Variants in DLG2 observed in about 807,000 individuals in gnomAD.
The protein encoded by DLG2 is discs large MAGUK scaffold protein 2.
A neutral mutation model predicts 132.5 loss-of-function variants in DLG2; 45 were observed. That is an observed-to-expected ratio of 0.34 (90% confidence interval 0.27 to 0.44). The LOEUF (loss-of-function observed/expected upper bound fraction) is 0.44, where lower values mean the gene tolerates loss of function less well. Among genes scored for constraint, DLG2 ranks in the 20% least tolerant of loss-of-function variants. The pLI is 1.00. For missense variants in DLG2, 1,045 were observed against 1,196.9 expected, an observed-to-expected ratio of 0.87 and a Z score of 1.87; for synonymous variants, 424 against 419.6, an observed-to-expected ratio of 1.01 and a Z score of -0.13.
intron 21 of DLG2, among the ~76,000 whole-genome samples, chr11:83,507,371 G>C (rs540259091): frequency 8.7e-5 from 13 of 148,836 alleles, no homozygotes; most frequent in Admixed American, 2.7e-4. Flanking sequence ...TCTGTATTAG[G>C]GTTCTCTAGA....
chr11:84,595,993 G>A (rs1010003355), intron 6 of DLG2, among the ~76,000 whole-genome samples: 2 of 152,112 alleles, frequency 1.3e-5, no homozygotes, highest in Admixed American at 1.3e-4. Flanking sequence ...GAATATTAAT[G>A]TGGAAAAAAT....
chr11:84,232,852 C>A (rs1245853254), intron 8 of DLG2, among the ~76,000 whole-genome samples: 1 of 152,112 alleles, frequency 6.6e-6, no homozygotes, highest in Non-Finnish European at 1.5e-5. Flanking sequence ...TTGAAGAGAT[C>A]AAGGCCATGA....
chr11:83,515,205 T>A (rs976938638), intron 21 of DLG2, among the ~76,000 whole-genome samples: 7 of 152,164 alleles, frequency 4.6e-5, no homozygotes, highest in African/African-American at 1.7e-4. Context: ...CAATATCAGA[T>A]TCTGTTATTC....
intron 21 of DLG2, among the ~76,000 whole-genome samples, chr11:83,525,652 GC>G (rs2095589106): frequency 6.6e-6 from 1 of 152,224 alleles, no homozygotes; most frequent in East Asian, 1.9e-4. Context: ...CCTTCCTGAT[GC>G]CCCCTGGAGT....
intron 6 of DLG2, among the ~76,000 whole-genome samples, chr11:84,897,313 TAA>T (rs796244893): frequency 2.6e-5 from 4 of 152,042 alleles, no homozygotes; most frequent in African/African-American, 9.6e-5. Flanking sequence ...ATTGTATTAA[TAA>T]GTCACAAAGT....
intron 18 of DLG2, among the ~76,000 whole-genome samples, chr11:83,695,566 C>T (rs2081756101): frequency 6.6e-6 from 1 of 152,092 alleles, no homozygotes; most frequent in African/African-American, 2.4e-5. Flanking sequence ...TGTTGAAACC[C>T]TGTCTCTACT....
chr11:84,996,422 G>A (rs1301782024), intron 6 of DLG2, among the ~76,000 whole-genome samples: 3 of 151,954 alleles, frequency 2.0e-5, no homozygotes, highest in African/African-American at 7.3e-5. Flanking sequence ...TATTTCAAAT[G>A]ATTCAAATCT....
intron 6 of DLG2, among the ~76,000 whole-genome samples, chr11:84,619,297 T>G (rs192577070): frequency 1.3e-5 from 2 of 152,038 alleles, no homozygotes; most frequent in Non-Finnish European, 1.5e-5. Flanking sequence ...TGGGTTGGAA[T>G]GTTAATTTAA....
At chr11:84,131,741 AC>A (rs959525341) in intron 9 of DLG2, among the ~76,000 whole-genome samples, 7 of 151,956 alleles carry the variant, frequency 4.6e-5, no homozygotes, top group African/African-American at 1.4e-4. Flanking sequence ...AAAAGGACCA[AC>A]AAAAAACCCA....
chr11:83,861,171 A>G lies in DLG2; in HGVS notation c.1565+13249T>C, dbSNP rs2061395846. Among the ~76,000 whole-genome samples, 4 of 152,220 alleles carry G rather than the reference A, an allele frequency of 2.6e-5. No homozygotes were observed. The South Asian group carries it at 6.2e-4, about 24-fold the overall frequency. On this transcript the variant is annotated intron_variant, in intron 16 of 27. Transcript: ENST00000376104. The stretch of plus-strand genomic sequence containing the variant: ...CATCAGAGAAGTGCAAATCAAAACT[A>G]CAATGAGATATCATTTCACCCCAGT...
chr11:85,266,947 AG>A (rs2077249711), intron 4 of DLG2, among the ~76,000 whole-genome samples: 1 of 152,220 alleles, frequency 6.6e-6, no homozygotes, highest in Admixed American at 6.5e-5. Context: ...CAGTTTTTTC[AG>A]GATATCCTTT....
chr11:84,980,989 C>T (rs550018996), intron 6 of DLG2, among the ~76,000 whole-genome samples: 1 of 152,208 alleles, frequency 6.6e-6, no homozygotes, highest in East Asian at 1.9e-4. Flanking sequence ...ATAGCTCTAT[C>T]ACAGCGTTCA....
At chr11:84,448,810 A>C (rs2099043164) in intron 7 of DLG2, among the ~76,000 whole-genome samples, 1 of 151,912 alleles carries the variant, frequency 6.6e-6, no homozygotes, top group Non-Finnish European at 1.5e-5. Flanking sequence ...AACATACCTT[A>C]TTTATTTTCG....
intron 4 of DLG2, among the ~76,000 whole-genome samples, chr11:85,283,849 AG>A (rs1469489120): frequency 2.0e-5 from 3 of 151,678 alleles, no homozygotes; most frequent in African/African-American, 7.3e-5. Context: ...TGTACTCAAC[AG>A]TTTCATTTAT....
intron 6 of DLG2, among the ~76,000 whole-genome samples, chr11:84,787,872 G>A (rs182330893): frequency 6.6e-6 from 1 of 151,612 alleles, no homozygotes; most frequent in African/African-American, 2.4e-5. Context: ...GCCGAGACAG[G>A]TGGATCACTT....
intron 18 of DLG2, among the ~76,000 whole-genome samples, chr11:83,767,125 GT>G (rs1357196268): frequency 1.3e-5 from 2 of 152,142 alleles, no homozygotes; most frequent in African/African-American, 4.8e-5. Context: ...CATCTGAAAA[GT>G]CCTATTTGCC....
intron 19 of DLG2, among the ~76,000 whole-genome samples, chr11:83,563,836 G>T (rs1002964521): frequency 1.3e-5 from 2 of 152,182 alleles, no homozygotes; most frequent in African/African-American, 4.8e-5. Flanking sequence ...GTTTGGCATG[G>T]TATAGGGTTG....
chr11:84,921,920 A>C (rs1387666023), intron 6 of DLG2, among the ~76,000 whole-genome samples: 2 of 152,202 alleles, frequency 1.3e-5, no homozygotes, highest in Non-Finnish European at 2.9e-5. Flanking sequence ...AAAAGTAGTA[A>C]AAAGCAAATT....
chr11:85,255,238 T>A (rs2076608776), intron 4 of DLG2, among the ~76,000 whole-genome samples: 1 of 152,162 alleles, frequency 6.6e-6, no homozygotes, highest in Non-Finnish European at 1.5e-5. Context: ...TTAACTCCAC[T>A]GATATCACAC....
Sources: gnomAD v4.1 joint callset for allele counts (sites outside exome capture counted in the v4.1 genomes callset) on GRCh38, gnomAD v4.1.1 for gene constraint, MANE v1.5 for transcripts, NCBI Gene and HGNC (gene_info 2026-07-23, HGNC 2026-07-21) for gene names.